Variants in ESR1 observed in about 807,000 individuals in gnomAD.
ESR1 encodes the protein estrogen receptor.
In ESR1, 12 loss-of-function variants were observed where a neutral mutation model predicts 52.7. That is an observed-to-expected ratio of 0.23 (90% confidence interval 0.15 to 0.37). The LOEUF (loss-of-function observed/expected upper bound fraction) is 0.37, where lower values mean the gene tolerates loss of function less well. Ranked by LOEUF, ESR1 falls within the 10% of genes least tolerant of loss-of-function variation. ESR1 has a pLI of 1.00. For synonymous variants in ESR1, 305 were observed against 316.8 expected (o/e 0.96, Z 0.39); for missense variants, 584 against 779.7 (o/e 0.75, Z 2.99).
At chr6:152,114,290 G>A (rs1033042779) in intron 6 of ESR1, among the ~76,000 whole-genome samples, 11 of 152,184 alleles carry the variant, frequency 7.2e-5, no homozygotes, top group African/African-American at 2.7e-4. Context: ...TGCGACTCAA[G>A]AACTGATTTC....
intron 3 of ESR1, among the ~76,000 whole-genome samples, chr6:151,935,315 C>T (rs562305244): frequency 1.3e-5 from 2 of 152,288 alleles, no homozygotes; most frequent in South Asian, 2.1e-4. Flanking sequence ...ACAGATTTAA[C>T]GTGAAGGATG....
At chr6:151,850,111 A>AT (rs373516004) in intron 2 of ESR1, among the ~76,000 whole-genome samples, 576 of 2,626 alleles carry the variant, frequency 0.22, 120 homozygotes, top group African/African-American at 0.26. Context: ...TATATATACA[A>AT]AATTATATAT....
At chr6:151,995,101 T>A (rs1405331478) in intron 4 of ESR1, among the ~76,000 whole-genome samples, 1 of 152,114 alleles carries the variant, frequency 6.6e-6, no homozygotes, top group East Asian at 1.9e-4. Context: ...CAGCAGCCAC[T>A]GTGAAGTCAT....
At chr6:151,859,216 A>G (rs151182615) in intron 2 of ESR1, among the ~76,000 whole-genome samples, 1 of 152,202 alleles carries the variant, frequency 6.6e-6, no homozygotes, top group African/African-American at 2.4e-5. Context: ...TCCAGATCAT[A>G]TTTTATCACA....
In ESR1 at chr6:152,098,675, A is replaced by T. The variant is rs750427027; in HGVS notation, c.1554-57A>T. 3.6e-5 allele frequency: 50 copies of T among 1,404,736 alleles called. No individual in the cohort carries two copies. The highest frequency in any genetic ancestry group is 1.7e-4 in the Middle Eastern group (1 of 5,748). 87.0% of individuals were successfully genotyped at this position (1,404,736 alleles called of 1,614,324 possible). A position where few individuals can be genotyped will look rare whatever the true frequency, so the allele number is the denominator to read the frequency against. ...TCCTTCCCCTTCTAGGGATTTCAGC[A>T]CTCCTGGGGCTCGGGTTGGCTCTAA... On this transcript the variant is annotated intron_variant, in intron 7 of 7. Coordinates refer to ENST00000206249, the MANE Select transcript of ESR1 (RefSeq NM_000125.4). The surrounding 1 kb of genome is among the most constrained non-coding windows in gnomAD (Gnocchi z 5.1).
At chr6:151,895,136 T>G (rs1795297282) in intron 3 of ESR1, among the ~76,000 whole-genome samples, 1 of 148,704 alleles carries the variant, frequency 6.7e-6, no homozygotes, top group Admixed American at 6.7e-5. Context: ...TTTTTTGGTT[T>G]TTTTTTTTTT....
intron 1 of ESR1, among the ~76,000 whole-genome samples, chr6:151,673,284 T>C (rs1028264433): frequency 1.3e-5 from 2 of 152,222 alleles, no homozygotes; most frequent in Non-Finnish European, 2.9e-5. Context: ...ATAATTAAAT[T>C]TTAATCAAGT....
intron 4 of ESR1, among the ~76,000 whole-genome samples, chr6:151,992,710 A>G (rs931486461): frequency 6.6e-6 from 1 of 152,268 alleles, no homozygotes; most frequent in Admixed American, 6.5e-5. Context: ...ATTTGCTTCC[A>G]TAAGCAGTGG....
upstream of ESR1, among the ~76,000 whole-genome samples, chr6:151,688,438 C>T (rs916514703): frequency 7.2e-5 from 11 of 152,200 alleles, no homozygotes; most frequent in South Asian, 2.1e-4. Context: ...CTCAGTATCC[C>T]ACGGTTTCCT....
intron 5 of ESR1, among the ~76,000 whole-genome samples, chr6:152,048,699 C>T (rs557532465): frequency 6.6e-6 from 1 of 152,200 alleles, no homozygotes; most frequent in South Asian, 2.1e-4. Context: ...TCTTTATGTC[C>T]CTCGTGCCTA....
At chr6:151,664,348 G>C (rs1300121373) in intron 1 of ESR1, among the ~76,000 whole-genome samples, 2 of 152,178 alleles carry the variant, frequency 1.3e-5, no homozygotes, top group East Asian at 3.8e-4. Context: ...ACTGAACATT[G>C]ATACTGATAT....
At chr6:151,899,235 A>G (rs1584056301) in intron 3 of ESR1, among the ~76,000 whole-genome samples, 2 of 128,988 alleles carry the variant, frequency 1.6e-5, no homozygotes, top group African/African-American at 2.9e-5. Context: ...CGGACTGGGC[A>G]GCTGGCCAGG....
At chr6:151,976,435 TA>T (rs1315588581) in intron 4 of ESR1, among the ~76,000 whole-genome samples, 1 of 152,034 alleles carries the variant, frequency 6.6e-6, no homozygotes, top group Admixed American at 6.6e-5. Context: ...CATATTTCAC[TA>T]TTTTTTTTTT....
intron 5 of ESR1, among the ~76,000 whole-genome samples, chr6:152,059,239 C>T (rs1284537479): frequency 1.3e-5 from 2 of 151,706 alleles, no homozygotes; most frequent in Admixed American, 6.6e-5. Context: ...AAAATTTAAA[C>T]ATAAAAGCAT....
chr6:151,705,979 C>T (rs915288370), intron 2 of ESR1, among the ~76,000 whole-genome samples: 3 of 152,106 alleles, frequency 2.0e-5, no homozygotes, highest in Non-Finnish European at 4.4e-5. Context: ...ATATTGTTGG[C>T]CTGACACATA....
intron 2 of ESR1, among the ~76,000 whole-genome samples, chr6:151,711,939 T>C (rs189257063): frequency 1.3e-5 from 2 of 152,336 alleles, no homozygotes; most frequent in East Asian, 3.9e-4. Flanking sequence ...GTGTCCTAAA[T>C]GGTATTGCGT....
At chr6:151,775,176 A>G (rs1785851558) in intron 2 of ESR1, among the ~76,000 whole-genome samples, 1 of 152,246 alleles carries the variant, frequency 6.6e-6, no homozygotes, top group African/African-American at 2.4e-5. Context: ...GAGAGGAAGT[A>G]CCCAAAGAAA....
chr6:152,120,493 C>A (rs780917473), intron 6 of ESR1, among the ~76,000 whole-genome samples: 1 of 152,050 alleles, frequency 6.6e-6, no homozygotes, highest in Non-Finnish European at 1.5e-5. Flanking sequence ...GGTTCATGGG[C>A]CATAAGATAC....
intron 4 of ESR1, among the ~76,000 whole-genome samples, chr6:151,985,888 C>T (rs1262143983): frequency 2.6e-5 from 4 of 152,004 alleles, no homozygotes; most frequent in South Asian, 2.1e-4. Flanking sequence ...AGGCTGGTCT[C>T]GAACTCCTGA....
Sources: gnomAD v4.1 joint callset for allele counts (sites outside exome capture counted in the v4.1 genomes callset) on GRCh38, gnomAD v4.1.1 for gene constraint, Gnocchi (gnomAD v3.1) non-coding constraint, MANE v1.5 for transcripts, NCBI Gene and HGNC (gene_info 2026-07-23, HGNC 2026-07-21) for gene names.